The following HERC3 variants were observed in gnomAD, a reference collection of about 807,000 sequenced individuals.
The protein encoded by HERC3 is probable E3 ubiquitin-protein ligase HERC3.
Under a neutral mutation model 129.9 loss-of-function variants are expected in HERC3, and 58 were observed. That is an observed-to-expected ratio of 0.45 (90% CI 0.36 to 0.56). The LOEUF (loss-of-function observed/expected upper bound fraction) is 0.56. Among genes scored for constraint, HERC3 ranks in the 20% least tolerant of loss-of-function variants. The pLI is 0.00. For missense variants in HERC3, 835 were observed against 1,244.2 expected, an observed-to-expected ratio of 0.67 and a Z score of 4.95; for synonymous variants, 430 against 451.0, an observed-to-expected ratio of 0.95 and a Z score of 0.59.
Position 88,655,165 on chromosome 4 carries a change from C to G in HERC3, c.778-9C>G. The G allele has an allele frequency of 1.2e-6, 2 of 1,613,464 alleles. No homozygotes were observed. Among genetic ancestry groups the G allele is most frequent in the African/African-American group, 2.7e-5 (2 of 74,966 alleles). Reference sequence around the variant, plus strand: ...ACAGTGAAGTCCTATGGTGTTTGTTCCTTGTTAGAGTGGAGGTGTGTTTAC... The same window carrying G: ...ACAGTGAAGTCCTATGGTGTTTGTTGCTTGTTAGAGTGGAGGTGTGTTTAC... On this transcript the variant is annotated splice_polypyrimidine_tract_variant and intron_variant, in intron 7 of 25. Transcript: ENST00000402738.
chr4:88,612,326 T>G (rs983071879), intron 3 of HERC3, among the ~76,000 whole-genome samples: 1 of 149,304 alleles, frequency 6.7e-6, no homozygotes, highest in Non-Finnish European at 1.5e-5. Flanking sequence ...TGTGTGTGTG[T>G]GGTAAGAAGG....
At chr4:88,641,616 A>G (rs1351901311) in intron 3 of HERC3, among the ~76,000 whole-genome samples, 1 of 152,188 alleles carries the variant, frequency 6.6e-6, no homozygotes, top group Non-Finnish European at 1.5e-5. Context: ...GAAACAGAGG[A>G]TATCATTACC....
chr4:88,586,113 T>C, the HERC3 span, among the ~76,000 whole-genome samples: 2 of 152,216 alleles, frequency 1.3e-5, no homozygotes, highest in Non-Finnish European at 2.9e-5. Flanking sequence ...TATTTAGATA[T>C]ATTCACTGTG....
chr4:88,566,195 T>G, the HERC3 span, among the ~76,000 whole-genome samples: 1 of 152,184 alleles, frequency 6.6e-6, no homozygotes, highest in Non-Finnish European at 1.5e-5. Context: ...TCTCATCATT[T>G]AGCTTCCACT....
At chr4:88,583,439 CA>C in the HERC3 span, among the ~76,000 whole-genome samples, 3,011 of 122,064 alleles carry the variant, frequency 0.025, 83 homozygotes, top group African/African-American at 0.081. Context: ...GACTCCTTCT[CA>C]AAAAAAAAAA....
the HERC3 span, among the ~76,000 whole-genome samples, chr4:88,571,287 T>C: frequency 6.6e-6 from 1 of 152,210 alleles, no homozygotes; most frequent in Non-Finnish European, 1.5e-5. Context: ...TTAAGTATCA[T>C]AACTAGTAAA....
chr4:88,675,388 C>G (rs1318457862), intron 16 of HERC3, among the ~76,000 whole-genome samples: 1 of 152,080 alleles, frequency 6.6e-6, no homozygotes, highest in Non-Finnish European at 1.5e-5. Flanking sequence ...ATGTGTTTTA[C>G]TAATTTTGTT....
At chr4:88,672,423 G>T (rs1359599425) in intron 16 of HERC3, among the ~76,000 whole-genome samples, 2 of 152,156 alleles carry the variant, frequency 1.3e-5, no homozygotes, top group East Asian at 3.9e-4. Context: ...GATTTTTGTG[G>T]AATTTTTTTT....
At chr4:88,690,033 C>T in intron 23 of HERC3, 2 of 985,176 alleles carry the variant, frequency 2.0e-6, no homozygotes, top group Non-Finnish European at 2.4e-6. Flanking sequence ...TGAAATGATG[C>T]AGAAGCCACC....
chr4:88,575,951 T>C, the HERC3 span, among the ~76,000 whole-genome samples: 1 of 152,332 alleles, frequency 6.6e-6, no homozygotes, highest in Non-Finnish European at 1.5e-5. Flanking sequence ...AAGGACCTTA[T>C]ACTTTTAGAG....
intron 3 of HERC3, among the ~76,000 whole-genome samples, chr4:88,612,466 G>A (rs945207569): frequency 2.6e-5 from 4 of 152,040 alleles, no homozygotes; most frequent in Non-Finnish European, 5.9e-5. Flanking sequence ...ATTTGGCCAA[G>A]GGCATAGAGG....
intron 25 of HERC3, among the ~76,000 whole-genome samples, chr4:88,706,119 G>C (rs1185700131): frequency 6.6e-6 from 1 of 152,184 alleles, no homozygotes; most frequent in South Asian, 2.1e-4. Flanking sequence ...GAAACTTTAT[G>C]TATCACAGCC....
chr4:88,690,094 A>T lies in HERC3; in HGVS notation c.2657+2795A>T, dbSNP rs1046141550. 49 of 985,270 alleles carry T rather than the reference A, an allele frequency of 5.0e-5. No individual in the cohort carries two copies. The African/African-American group carries it at 8.4e-4, about 17-fold the overall frequency. 61.0% of individuals were successfully genotyped at this position (985,270 alleles called of 1,614,324 possible). On this transcript the variant is annotated intron_variant, in intron 23 of 25. Coordinates refer to ENST00000402738, the MANE Select transcript of HERC3 (RefSeq NM_014606.3). ...GTTGATGGAATTATCTTGGCTCTAG[A>T]AACCTAATATAGAGGCTAGTCTTGA...
intron 3 of HERC3, among the ~76,000 whole-genome samples, chr4:88,643,980 AACAG>A (rs1180343147): frequency 1.3e-5 from 2 of 152,250 alleles, no homozygotes; most frequent in East Asian, 3.8e-4. Context: ...AAGAACTTCG[AACAG>A]ACATTTATCC....
intron 9 of HERC3, chr4:88,656,307 G>C (rs1729895416): frequency 2.4e-6 from 1 of 410,748 alleles, no homozygotes; most frequent in Non-Finnish European, 4.4e-6. Context: ...GAAGAAAAGA[G>C]TTTTAATTGG....
At chr4:88,677,736 G>A (rs1385046645) in intron 18 of HERC3, among the ~76,000 whole-genome samples, 3 of 152,126 alleles carry the variant, frequency 2.0e-5, no homozygotes, top group African/African-American at 7.2e-5. Flanking sequence ...CCTGATTATA[G>A]ATCATATGAT....
chr4:88,692,947 A>T (rs1267800953), intron 23 of HERC3: 3 of 985,122 alleles, frequency 3.0e-6, no homozygotes, highest in Non-Finnish European at 1.2e-6. Context: ...TTTCAGGCTG[A>T]CTAGGTAATG....
At chr4:88,675,741 T>C (rs1369469647) in intron 16 of HERC3, among the ~76,000 whole-genome samples, 1 of 151,744 alleles carries the variant, frequency 6.6e-6, no homozygotes, top group African/African-American at 2.4e-5. Flanking sequence ...TAAAGTTCTT[T>C]TTAGAAAGAC....
At chr4:88,619,688 GA>G (rs1725305761) in intron 3 of HERC3, among the ~76,000 whole-genome samples, 1 of 152,176 alleles carries the variant, frequency 6.6e-6, no homozygotes, top group South Asian at 2.1e-4. Flanking sequence ...TAGACTGGGA[GA>G]AATAACTGCC....
Sources: allele counts gnomAD v4.1 joint callset (sites outside exome capture counted in the v4.1 genomes callset), GRCh38; gene constraint gnomAD v4.1.1; transcripts MANE v1.5; gene names NCBI Gene and HGNC (gene_info 2026-07-23, HGNC 2026-07-21).